KLHL12: variants seen among roughly 807,000 people sequenced by gnomAD.
KLHL12 encodes kelch like family member 12, also known as kelch-like protein 12.
A neutral mutation model predicts 60.8 loss-of-function variants in KLHL12; 17 were observed. The observed-to-expected ratio is 0.28, with a 90% CI of 0.19 to 0.42. The LOEUF (loss-of-function observed/expected upper bound fraction) is 0.42, where lower values mean the gene tolerates loss of function less well. KLHL12 is among the 10% of genes least tolerant of loss of function. KLHL12 has a pLI of 1.00. For synonymous variants in KLHL12, 220 were observed against 250.9 expected (o/e 0.88, Z 1.16); for missense variants, 468 against 722.3 (o/e 0.65, Z 4.04).
chr1:202,912,463 T>C lies in KLHL12; in HGVS notation c.568-1260A>G, dbSNP rs1317660201. ...GTTTCGGTTGGCATGACAGCCGTGGTGGTGGTGGTGGATATGGTGGCAGTG... is the reference window on the plus strand; with the variant it reads ...GTTTCGGTTGGCATGACAGCCGTGGCGGTGGTGGTGGATATGGTGGCAGTG... On this transcript the variant is annotated intron_variant, in intron 4 of 11. Transcript: ENST00000367261. 4.6e-6 allele frequency: 4 copies of C among 863,372 alleles called. No individual in the cohort carries two copies. In the Admixed American group the frequency reaches 6.8e-5, roughly 15 times the overall value. 53.5% of individuals were successfully genotyped at this position (863,372 alleles called of 1,614,324 possible).
chr1:202,907,389 G>A (rs2102428346), intron 6 of KLHL12, among the ~76,000 whole-genome samples: 1 of 144,898 alleles, frequency 6.9e-6, no homozygotes, highest in Admixed American at 6.8e-5. Flanking sequence ...ATCAATTGCA[G>A]CCAGGAGTTA....
chr1:202,921,004 A>G (rs1660680481), intron 2 of KLHL12, among the ~76,000 whole-genome samples: 1 of 151,816 alleles, frequency 6.6e-6, no homozygotes, highest in Non-Finnish European at 1.5e-5. Context: ...ATCTGTCCTT[A>G]GACTACTTTT....
At chr1:202,905,947 G>A (rs575350095) in intron 6 of KLHL12, among the ~76,000 whole-genome samples, 1 of 146,972 alleles carries the variant, frequency 6.8e-6, no homozygotes, top group African/African-American at 2.5e-5. Flanking sequence ...TTGAACTACA[G>A]GTGCCCGCCA....
chr1:202,911,410 TAA>T (rs67830135), intron 4 of KLHL12, among the ~76,000 whole-genome samples: 1 of 87,618 alleles, frequency 1.1e-5, no homozygotes. Context: ...CAATTTGGGT[TAA>T]AAAAAAAATA....
In KLHL12 at chr1:202,909,691, G is replaced by T. The variant is rs541046152; in HGVS notation, c.718-567C>A. Among the ~76,000 whole-genome samples, 42 of 152,200 alleles carry T rather than the reference G, an allele frequency of 2.8e-4. No homozygotes were observed. The highest frequency in any genetic ancestry group is 5.0e-4 in the Non-Finnish European group (34 of 68,018). On this transcript the variant is annotated intron_variant, in intron 5 of 11. Coordinates refer to ENST00000367261, the MANE Select transcript of KLHL12 (RefSeq NM_021633.4). The surrounding 1 kb of genome is among the most constrained non-coding windows in gnomAD (Gnocchi z 4.1). ...CTCAGAAGACTGGCCTATATGAACT[G>T]TGTCAATAGGGCTTCCTATGCCTTC...
intron 6 of KLHL12, 144 bp downstream of exon 6, chr1:202,908,866 G>T: frequency 1.8e-6 from 1 of 565,890 alleles, no homozygotes; most frequent in Non-Finnish European, 3.2e-6. Flanking sequence ...GCTTAGAGTG[G>T]TAAAGTGACT....
intron 4 of KLHL12, among the ~76,000 whole-genome samples, chr1:202,917,380 A>G (rs1250929678): frequency 6.6e-6 from 1 of 152,052 alleles, no homozygotes; most frequent in Non-Finnish European, 1.5e-5. Context: ...ATGCCAGGCT[A>G]ATTTTATTTT....
intron 2 of KLHL12, among the ~76,000 whole-genome samples, chr1:202,922,830 T>C (rs1420058660): frequency 6.6e-6 from 1 of 151,594 alleles, no homozygotes; most frequent in Non-Finnish European, 1.5e-5. Flanking sequence ...AAGAGACAGA[T>C]ATCATTCTTA....
At chr1:202,896,460 G>A (rs1194820588) in intron 7 of KLHL12, among the ~76,000 whole-genome samples, 2 of 152,182 alleles carry the variant, frequency 1.3e-5, no homozygotes, top group Admixed American at 6.5e-5. Context: ...CAAAGGGCTG[G>A]GATTATAGGT....
At chr1:202,911,535 T>G (rs1273753350) in intron 4 of KLHL12, among the ~76,000 whole-genome samples, 2 of 152,074 alleles carry the variant, frequency 1.3e-5, no homozygotes, top group African/African-American at 2.4e-5. Context: ...GTTTCAGAAT[T>G]TTTCCCATTC....
chr1:202,896,342 T>TGG (rs892663546), intron 7 of KLHL12, among the ~76,000 whole-genome samples: 3 of 152,266 alleles, frequency 2.0e-5, no homozygotes, highest in Admixed American at 2.0e-4. Flanking sequence ...TGCACCACCA[T>TGG]GCCTGGCTAA....
At chr1:202,910,104 A>C (rs1660310538) in intron 5 of KLHL12, among the ~76,000 whole-genome samples, 1 of 152,234 alleles carries the variant, frequency 6.6e-6, no homozygotes, top group Non-Finnish European at 1.5e-5. Flanking sequence ...TTATGTACAA[A>C]GACTTGGTTT....
chr1:202,917,014 C>A (rs1660542543), intron 4 of KLHL12, among the ~76,000 whole-genome samples: 1 of 151,616 alleles, frequency 6.6e-6, no homozygotes, highest in African/African-American at 2.4e-5. Flanking sequence ...CACTGGAGAT[C>A]AATACTATGG....
In KLHL12 at chr1:202,892,430, C is replaced by T. The variant is rs1296495558; in HGVS notation, c.*103G>A. 9.1e-6 allele frequency: 12 copies of T among 1,315,812 alleles called. No individual in the cohort carries two copies. The highest frequency in any genetic ancestry group is 5.5e-5 in the Admixed American group (3 of 54,212). The allele number at this position is 1,315,812 out of a possible 1,614,324, so 81.5% of individuals were successfully genotyped here. ...CACTGCACTGGTGCCTGTAATCACC[C>T]GGTGCACATAGTGAGAAACAGACAT... On this transcript the variant is annotated 3_prime_UTR_variant, in exon 12 of 12. Coordinates refer to ENST00000367261, the MANE Select transcript of KLHL12 (RefSeq NM_021633.4).
chr1:202,920,442 T>C (rs1660656829), intron 2 of KLHL12, among the ~76,000 whole-genome samples: 1 of 126,824 alleles, frequency 7.9e-6, no homozygotes, highest in African/African-American at 2.9e-5. Context: ...AGTGGTGCCA[T>C]CTCGGCTCAC....
At chr1:202,894,036 T>G in intron 10 of KLHL12, 148 bp downstream of exon 10, 1 of 562,174 alleles carries the variant, frequency 1.8e-6, no homozygotes, top group Non-Finnish European at 3.2e-6. Context: ...TCAACTGTCT[T>G]TATCCTAGTA....
chr1:202,915,652 C>T (rs913419538), intron 4 of KLHL12, among the ~76,000 whole-genome samples: 1 of 152,150 alleles, frequency 6.6e-6, no homozygotes, highest in South Asian at 2.1e-4. Flanking sequence ...GAAAACATGA[C>T]GAGCTCATAG....
At position 202,893,131 on chromosome 1, in the gene KLHL12, G is replaced by A. The variant is rs1218173026; in HGVS notation, c.1580+108C>T. On this transcript the variant is annotated intron_variant, in intron 11 of 11. Transcript: ENST00000367261. The surrounding 1 kb of genome is among the most constrained non-coding windows in gnomAD (Gnocchi z 4.1). ...TAAAAAAAATCAAGTTGCCACTGGAGATGTCTACCCCTACCCAAGTCTTGT... is the reference window on the plus strand; with the variant it reads ...TAAAAAAAATCAAGTTGCCACTGGAAATGTCTACCCCTACCCAAGTCTTGT... The A allele has an allele frequency of 1.2e-6, 1 of 802,808 alleles. No individual in the cohort carries two copies. Among genetic ancestry groups the A allele is most frequent in the Non-Finnish European group, 2.0e-6 (1 of 512,136 alleles). The allele number at this position is 802,808 out of a possible 1,614,324, so 49.7% of individuals were successfully genotyped here.
chr1:202,915,745 T>C (rs1660504630), intron 4 of KLHL12, among the ~76,000 whole-genome samples: 1 of 152,204 alleles, frequency 6.6e-6, no homozygotes, highest in South Asian at 2.1e-4. Context: ...GGTGGTATGA[T>C]GGTTAAACTC....
Sources: allele counts gnomAD v4.1 joint callset (sites outside exome capture counted in the v4.1 genomes callset), GRCh38; gene constraint gnomAD v4.1.1; non-coding constraint Gnocchi (gnomAD v3.1); transcripts MANE v1.5; gene names NCBI Gene and HGNC (gene_info 2026-07-23, HGNC 2026-07-21).